HEATR3: variants seen among roughly 807,000 people sequenced by gnomAD.
HEATR3 encodes HEAT repeat-containing protein 3.
Under a neutral mutation model 72.8 loss-of-function variants are expected in HEATR3, and 56 were observed. The ratio of observed to expected loss-of-function variants is 0.77; its 90% CI spans 0.62 to 0.96. HEATR3 has a LOEUF of 0.96. HEATR3 is among the 40% of genes least tolerant of loss of function. HEATR3 has a pLI of 0.00. For missense variants in HEATR3, 747 were observed against 831.4 expected (o/e 0.90, Z 1.25); for synonymous variants, 331 against 318.1 (o/e 1.04, Z -0.43).
intron 12 of HEATR3, among the ~76,000 whole-genome samples, chr16:50,098,104 CT>C (rs1327841220): frequency 3.3e-5 from 5 of 151,892 alleles, no homozygotes; most frequent in African/African-American, 1.2e-4. Flanking sequence ...TAAGTTTATC[CT>C]GATAATTTCC....
intron 5 of HEATR3, 127 bp from the exon 6 acceptor site, chr16:50,075,444 A>AT: frequency 1.4e-6 from 1 of 733,334 alleles, no homozygotes; most frequent in Non-Finnish European, 2.2e-6. Context: ...AAGCATATAT[A>AT]TTTTGCAAAA....
At chr16:50,087,712 A>T (rs1169640718) in intron 11 of HEATR3, among the ~76,000 whole-genome samples, 1 of 152,320 alleles carries the variant, frequency 6.6e-6, no homozygotes, top group African/African-American at 2.4e-5. Flanking sequence ...TTGAGGGTAA[A>T]CGTGAAGATA....
At chr16:50,070,318 T>C (rs760099639) in intron 4 of HEATR3, 28 bp downstream of exon 4, 6 of 1,162,992 alleles carry the variant, frequency 5.2e-6, no homozygotes, top group Non-Finnish European at 6.4e-6. Flanking sequence ...CACAGTCTCC[T>C]GCTATAGCAG....
Position 50,105,718 on chromosome 16 carries a change from T to G in HEATR3, c.*657T>G, listed in dbSNP as rs940501608. On this transcript the variant is annotated 3_prime_UTR_variant, in exon 15 of 15. Transcript: ENST00000299192. ...AGGCACCCACCACCACACCTTGTTT[T>G]TGTTTTTGGTTTTTTGGTTTGTTTT... The G allele has an allele frequency of 1.3e-5, 2 of 151,762 alleles. No individual in the cohort carries two copies. The highest frequency in any genetic ancestry group is 4.8e-5 in the African/African-American group (2 of 41,312). The allele number at this position is 151,762 out of a possible 1,614,324, so 9.4% of individuals were successfully genotyped here.
chr16:50,069,297 C>T (rs990116154), intron 3 of HEATR3: 1 of 164,970 alleles, frequency 6.1e-6, no homozygotes, highest in Non-Finnish European at 1.3e-5. Flanking sequence ...ACAGTAAGTT[C>T]TCATGTTTGA....
chr16:50,075,546 T>C, intron 5 of HEATR3, 25 bp from the exon 6 acceptor site: 1 of 1,598,106 alleles, frequency 6.3e-7, no homozygotes, highest in Non-Finnish European at 8.6e-7. Flanking sequence ...CATTTGTTTC[T>C]AAATACTTAT....
chr16:50,072,594 C>T lies in HEATR3; in HGVS notation c.513-11C>T, dbSNP rs1379535877. 6.4e-7 allele frequency: 1 copy of T among 1,554,508 alleles called. No individual in the cohort carries two copies. The highest frequency in any genetic ancestry group is 8.8e-7 in the Non-Finnish European group (1 of 1,130,816). On this transcript the variant is annotated splice_polypyrimidine_tract_variant and intron_variant, in intron 4 of 14. Transcript: ENST00000299192. The stretch of plus-strand genomic sequence containing the variant: ...TGAATAGTAAAACTTTTTTTTCCCC[C>T]TTCAATTTAGTGAATGCAGTAGTAG...
intron 11 of HEATR3, among the ~76,000 whole-genome samples, chr16:50,091,248 C>T (rs1273076456): frequency 1.3e-5 from 2 of 151,936 alleles, no homozygotes; most frequent in Admixed American, 1.3e-4. Flanking sequence ...GGGCAGATCA[C>T]CTGAGGTCAG....
At chr16:50,069,275 CT>C (rs1249733099) in intron 3 of HEATR3, 2 of 166,352 alleles carry the variant, frequency 1.2e-5, no homozygotes, top group African/African-American at 2.4e-5. Flanking sequence ...ACATTAGGAA[CT>C]TGTGAAGATT....
intron 7 of HEATR3, among the ~76,000 whole-genome samples, chr16:50,081,401 C>T (rs1335623710): frequency 3.9e-5 from 6 of 152,100 alleles, no homozygotes; most frequent in African/African-American, 7.2e-5. Context: ...GTCAAGATCG[C>T]GCCACTGCAC....
rs777602988 is a variant in HEATR3, at chr16:50,066,411, G to T, written c.183G>T (p.Gly61=). ...SAEVRECACA[G]LARLVQQRPA... Reference sequence around the variant, plus strand: ...AGGTCCGCGAGTGCGCCTGCGCAGGGCTGGCCCGGCTGGTGCAGCAGCGGC... The same window carrying T: ...AGGTCCGCGAGTGCGCCTGCGCAGGTCTGGCCCGGCTGGTGCAGCAGCGGC... The change falls in exon 2 of 15, where the codon GGG becomes GGT. Residue 61 remains glycine (G), a synonymous_variant. Transcript: ENST00000299192. 5 of 1,521,050 alleles carry T rather than the reference G, an allele frequency of 3.3e-6. No homozygotes were observed. In the South Asian group the frequency reaches 4.9e-5, roughly 15 times the overall value. The allele number at this position is 1,521,050 out of a possible 1,614,324, so 94.2% of individuals were successfully genotyped here. A position where few individuals can be genotyped will look rare whatever the true frequency, so the allele number is the denominator to read the frequency against.
At chr16:50,104,283 G>A (rs2037432411) in intron 14 of HEATR3, among the ~76,000 whole-genome samples, 1 of 152,148 alleles carries the variant, frequency 6.6e-6, no homozygotes, top group Admixed American at 6.6e-5. Context: ...CGTCCGGGAG[G>A]TCGAGGCTGC....
At position 50,089,105 on chromosome 16, in the gene HEATR3, G is replaced by A. The variant is rs1365506031; in HGVS notation, c.1510+2754G>A. Reference sequence around the variant, plus strand: ...TAACTGCAAAGATCACAGGAAAACTGCCCCAAGCTGAGTCCTGGAGAAATA... The same window carrying A: ...TAACTGCAAAGATCACAGGAAAACTACCCCAAGCTGAGTCCTGGAGAAATA... On this transcript the variant is annotated intron_variant, in intron 11 of 14. Coordinates refer to ENST00000299192, the MANE Select transcript of HEATR3 (RefSeq NM_182922.4). Among the ~76,000 whole-genome samples, 7 of 152,314 alleles carry A rather than the reference G, an allele frequency of 4.6e-5. No individual in the cohort carries two copies. In the East Asian group the frequency reaches 1.2e-3, roughly 25 times the overall value.
chr16:50,069,288 C>T (rs957370082), intron 3 of HEATR3: 21 of 165,306 alleles, frequency 1.3e-4, no homozygotes, highest in Non-Finnish European at 2.7e-5. Flanking sequence ...GTGAAGATTA[C>T]AGTAAGTTCT....
At chr16:50,077,065 G>A (rs865953351) in intron 6 of HEATR3, among the ~76,000 whole-genome samples, 39 of 152,024 alleles carry the variant, frequency 2.6e-4, no homozygotes, top group African/African-American at 7.2e-4. Flanking sequence ...TAGTAAAGAC[G>A]GGGTTTCACT....
At position 50,094,711 on chromosome 16, in the gene HEATR3, C is replaced by T; in HGVS notation, c.1517C>T (p.Ala506Val). ...SQLLFSQPDF[A>V]KHVDFLEAIS... ...TTTCATTTTTGTGTTTTAGATTTTGCTAAACATGTTGACTTTCTAGAAGCC... is the reference window on the plus strand; with the variant it reads ...TTTCATTTTTGTGTTTTAGATTTTGTTAAACATGTTGACTTTCTAGAAGCC... Residue 506 changes from alanine (A) to valine (V), a missense_variant, in exon 12 of 15, where the codon GCT becomes GTT. By Grantham distance (64) the Ala-to-Val change is moderately conservative. Coordinates refer to ENST00000299192, the MANE Select transcript of HEATR3 (RefSeq NM_182922.4). 6.4e-7 allele frequency: 1 copy of T among 1,553,410 alleles called. No individual in the cohort carries two copies. Among genetic ancestry groups the T allele is most frequent in the South Asian group, 1.2e-5 (1 of 81,254 alleles).
intron 2 of HEATR3, among the ~76,000 whole-genome samples, chr16:50,067,966 A>G (rs2036535377): frequency 6.6e-6 from 1 of 152,198 alleles, no homozygotes; most frequent in Admixed American, 6.5e-5. Context: ...AAGAGGGTAC[A>G]AACAAAGGGT....
At chr16:50,099,061 C>T (rs1300074404) in intron 12 of HEATR3, among the ~76,000 whole-genome samples, 2 of 151,992 alleles carry the variant, frequency 1.3e-5, no homozygotes, top group African/African-American at 4.8e-5. Context: ...TCTTAAACTC[C>T]TGCTCTCGAG....
At chr16:50,086,422 G>C in intron 11 of HEATR3, 71 bp downstream of exon 11, 11 of 1,473,306 alleles carry the variant, frequency 7.5e-6, no homozygotes, top group Non-Finnish European at 1.0e-5. Context: ...TTTGGATTTT[G>C]TAAATGTATA....
Sources: allele counts gnomAD v4.1 joint callset (sites outside exome capture counted in the v4.1 genomes callset), GRCh38; gene constraint gnomAD v4.1.1; transcripts MANE v1.5; gene names NCBI Gene and HGNC (gene_info 2026-07-23, HGNC 2026-07-21).